LRBA: variants seen among roughly 807,000 people sequenced by gnomAD.
LRBA encodes the protein lipopolysaccharide-responsive and beige-like anchor protein.
In LRBA, 176 loss-of-function variants were observed where a neutral mutation model predicts 330.0. The ratio of observed to expected loss-of-function variants is 0.53; its 90% CI spans 0.47 to 0.60. The LOEUF is 0.60. LRBA is among the 20% of genes least tolerant of loss of function. The pLI, the probability that LRBA is intolerant of heterozygous loss-of-function variation, is 0.00. For synonymous variants in LRBA, 1,230 were observed against 1,193.0 expected (o/e 1.03, Z -0.64); for missense variants, 3,259 against 3,444.8 (o/e 0.95, Z 1.35).
chr4:150,497,949 C>T (rs1759785349), intron 40 of LRBA, among the ~76,000 whole-genome samples: 1 of 152,120 alleles, frequency 6.6e-6, no homozygotes, highest in Non-Finnish European at 1.5e-5. Context: ...ATTACTTGCC[C>T]TTATGACCTG....
intron 4 of LRBA, among the ~76,000 whole-genome samples, chr4:150,924,448 G>A (rs552081032): frequency 2.6e-5 from 4 of 152,194 alleles, no homozygotes; most frequent in Admixed American, 1.3e-4. Flanking sequence ...GGAGGCAGAG[G>A]TTGCAGGCAG....
chr4:150,965,791 A>C (rs1738813674), intron 2 of LRBA, among the ~76,000 whole-genome samples: 1 of 150,044 alleles, frequency 6.7e-6, no homozygotes, highest in African/African-American at 2.5e-5. Context: ...CAGTCCTTCC[A>C]CCTCGGCCTT....
chr4:150,971,212 T>C (rs1283272925), intron 2 of LRBA, among the ~76,000 whole-genome samples: 7 of 152,240 alleles, frequency 4.6e-5, no homozygotes, highest in Admixed American at 1.3e-4. Context: ...TAATTTCACA[T>C]TTCCCTTTCT....
intron 35 of LRBA, among the ~76,000 whole-genome samples, chr4:150,754,790 T>C (rs896997230): frequency 6.6e-6 from 1 of 152,120 alleles, no homozygotes; most frequent in Admixed American, 6.6e-5. Context: ...TTGGAGTTTT[T>C]CTATAAAGTA....
At chr4:150,438,851 T>C (rs939030574) in intron 44 of LRBA, among the ~76,000 whole-genome samples, 10 of 152,190 alleles carry the variant, frequency 6.6e-5, no homozygotes, top group Admixed American at 4.6e-4. Context: ...TTTTAATGAA[T>C]ATTATTGTAT....
chr4:150,649,821 A>AT (rs552980812), intron 37 of LRBA, among the ~76,000 whole-genome samples: 1 of 152,154 alleles, frequency 6.6e-6, no homozygotes, highest in Non-Finnish European at 1.5e-5. Context: ...CTCAATACAT[A>AT]TTTTTTAATG....
intron 33 of LRBA, among the ~76,000 whole-genome samples, chr4:150,803,387 A>C (rs1164412574): frequency 6.6e-6 from 1 of 152,040 alleles, no homozygotes; most frequent in Non-Finnish European, 1.5e-5. Context: ...TGGAAAAATG[A>C]ATATGGTTTG....
chr4:150,860,571 TA>T (rs1216334673), intron 22 of LRBA, among the ~76,000 whole-genome samples: 1 of 152,166 alleles, frequency 6.6e-6, no homozygotes, highest in African/African-American at 2.4e-5. Flanking sequence ...TTCACACCTG[TA>T]ATCCCAGCAT....
intron 46 of LRBA, among the ~76,000 whole-genome samples, chr4:150,417,198 A>G (rs1325560185): frequency 6.6e-6 from 1 of 152,126 alleles, no homozygotes; most frequent in Non-Finnish European, 1.5e-5. Context: ...TATCCTGAAT[A>G]CATATATCTT....
intron 36 of LRBA, among the ~76,000 whole-genome samples, chr4:150,723,984 A>G (rs1258552469): frequency 6.6e-6 from 1 of 152,216 alleles, no homozygotes; most frequent in African/African-American, 2.4e-5. Context: ...GCCTGTGGAA[A>G]GTGAAGAGTA....
At chr4:150,400,808 C>T (rs1745360165) in intron 47 of LRBA, among the ~76,000 whole-genome samples, 1 of 152,064 alleles carries the variant, frequency 6.6e-6, no homozygotes, top group Non-Finnish European at 1.5e-5. Context: ...CACTGCACTC[C>T]AGCCTGGTGA....
intron 40 of LRBA, chr4:150,581,384 G>A (rs1481801785): frequency 4.6e-6 from 2 of 435,900 alleles, no homozygotes; most frequent in Non-Finnish European, 4.6e-6. Flanking sequence ...GGCAACAATG[G>A]GAGGGGAGGG....
intron 44 of LRBA, among the ~76,000 whole-genome samples, chr4:150,438,225 A>G (rs1751377171): frequency 6.6e-6 from 1 of 152,182 alleles, no homozygotes; most frequent in African/African-American, 2.4e-5. Context: ...GTTCACACCT[A>G]TAATCCCAGT....
chr4:150,732,638 A>C (rs1730615687), intron 36 of LRBA, among the ~76,000 whole-genome samples: 1 of 152,034 alleles, frequency 6.6e-6, no homozygotes, highest in Admixed American at 6.6e-5. Context: ...TTTTCTTATA[A>C]GAATTATTAG....
Position 150,422,912 on chromosome 4 carries a change from G to A in LRBA, c.7042-7322C>T, listed in dbSNP as rs1404354456. On this transcript the variant is annotated intron_variant, in intron 46 of 56. Coordinates refer to ENST00000651943, the MANE Select transcript of LRBA (RefSeq NM_001364905.1). ...CTCAGGACTGAACCAAGAGAAAGGG[G>A]ATGGATGCCAGCTCTGTACAAGACT... is the stretch of plus-strand genomic sequence containing the variant. 4 of 817,970 alleles carry A rather than the reference G, an allele frequency of 4.9e-6. No homozygotes were observed. In the African/African-American group the frequency reaches 6.7e-5, roughly 14 times the overall value. The allele number at this position is 817,970 out of a possible 1,614,324, so 50.7% of individuals were successfully genotyped here.
At chr4:150,359,015 T>C (rs1313924973) in intron 47 of LRBA, among the ~76,000 whole-genome samples, 2 of 152,104 alleles carry the variant, frequency 1.3e-5, no homozygotes, top group Admixed American at 6.5e-5. Flanking sequence ...CTTGGCAAAG[T>C]AGAACATTTA....
rs140925698 is a variant in LRBA, at chr4:150,844,156, T to G, written c.4513A>C (p.Arg1505=). The G allele has an allele frequency of 2.5e-6, 4 of 1,611,982 alleles. No individual in the cohort carries two copies. The highest frequency in any genetic ancestry group is 3.4e-6 in the Non-Finnish European group (4 of 1,178,654). The change falls in exon 28 of 57, where the codon AGG becomes CGG. Residue 1505 remains arginine (R), a synonymous_variant. Coordinates refer to ENST00000651943, the MANE Select transcript of LRBA (RefSeq NM_001364905.1). ...GGISPVRDLD[R]LLQDMDINRL... Reference sequence around the variant, plus strand: ...TTAATATCCATGTCCTGTAGAAGCCTGTCAAGATCTCTTACTGGAGATATA... The same window carrying G: ...TTAATATCCATGTCCTGTAGAAGCCGGTCAAGATCTCTTACTGGAGATATA...
At chr4:150,818,582 G>A (rs1744964218) in intron 30 of LRBA, among the ~76,000 whole-genome samples, 1 of 150,968 alleles carries the variant, frequency 6.6e-6, no homozygotes, top group African/African-American at 2.4e-5. Flanking sequence ...GAATGTGTGT[G>A]TGTACGTATG....
intron 34 of LRBA, among the ~76,000 whole-genome samples, chr4:150,783,363 A>G (rs1738550698): frequency 6.6e-6 from 1 of 152,208 alleles, no homozygotes; most frequent in Non-Finnish European, 1.5e-5. Flanking sequence ...ATACAAGACA[A>G]GTCTGAAAGA....
Sources: gnomAD v4.1 joint callset for allele counts (sites outside exome capture counted in the v4.1 genomes callset) on GRCh38, gnomAD v4.1.1 for gene constraint, MANE v1.5 for transcripts, NCBI Gene and HGNC (gene_info 2026-07-23, HGNC 2026-07-21) for gene names.